ACAD8: variants seen among roughly 807,000 people sequenced by gnomAD.
The protein encoded by ACAD8 is isobutyryl-CoA dehydrogenase, mitochondrial.
Under a neutral mutation model 53.1 loss-of-function variants are expected in ACAD8, and 47 were observed. The ratio of observed to expected loss-of-function variants is 0.89; its 90% CI spans 0.70 to 1.13. ACAD8 has a LOEUF of 1.13. Ranked by LOEUF, ACAD8 falls within the 50% of genes most tolerant of loss-of-function variation. The pLI, the probability that ACAD8 is intolerant of heterozygous loss-of-function variation, is 0.00. For synonymous variants in ACAD8, 198 were observed against 201.3 expected (o/e 0.98, Z 0.14); for missense variants, 494 against 535.0 (o/e 0.92, Z 0.76).
chr11:134,255,205 C>T (rs550517199), intron 1 of ACAD8, among the ~76,000 whole-genome samples: 1 of 152,270 alleles, frequency 6.6e-6, no homozygotes, highest in African/African-American at 2.4e-5. Context: ...GGTGCGATCT[C>T]AACTCACCGC....
intron 1 of ACAD8, among the ~76,000 whole-genome samples, chr11:134,255,120 C>T (rs1404803592): frequency 6.6e-6 from 1 of 152,108 alleles, no homozygotes; most frequent in Non-Finnish European, 1.5e-5. Flanking sequence ...AATAGTCATC[C>T]TTTGTGTGAA....
At chr11:134,263,618 A>C in intron 10 of ACAD8, 1 of 985,484 alleles carries the variant, frequency 1.0e-6, no homozygotes, top group Non-Finnish European at 1.2e-6. Context: ...CTCAGTCGCC[A>C]GTGTTCAAAC....
At chr11:134,260,817 A>C in intron 6 of ACAD8, 1 of 571,370 alleles carries the variant, frequency 1.8e-6, no homozygotes, top group Non-Finnish European at 3.1e-6. Flanking sequence ...GGTAGAGTAG[A>C]CATTAGTAGA....
chr11:134,259,944 CAA>C (rs1191913602), intron 6 of ACAD8, 199 bp downstream of exon 6: 6 of 1,435,810 alleles, frequency 4.2e-6, no homozygotes, highest in Non-Finnish European at 5.5e-6. Flanking sequence ...GGGAAAGTGA[CAA>C]TGTTTGCCAG....
chr11:134,264,793 T>C (rs552328709), intron 10 of ACAD8, 115 bp from the exon 11 acceptor site: 2 of 880,084 alleles, frequency 2.3e-6, no homozygotes, highest in Admixed American at 1.7e-5. Flanking sequence ...AAAGCAATGA[T>C]TGTAGTTTAA....
In ACAD8 at chr11:134,261,455, G is replaced by T; in HGVS notation, c.939+83G>T. 6.5e-7 allele frequency: 1 copy of T among 1,547,124 alleles called. No individual in the cohort carries two copies. Among genetic ancestry groups the T allele is most frequent in the South Asian group, 1.1e-5 (1 of 88,914 alleles). ...TAGGGCCCACATTTCCAGGAGAGAA[G>T]CCAGGAAATTCCTCTGTCAGTCCCA... On this transcript the variant is annotated intron_variant, in intron 8 of 10. Transcript: ENST00000281182. This position sits in a 1 kb window ranked among gnomAD's most constrained non-coding sequence, Gnocchi z 4.2.
At chr11:134,254,132 CTTGGTTGTTGTTGGG>C (rs61350270) in intron 1 of ACAD8, among the ~76,000 whole-genome samples, 55,228 of 151,766 alleles carry the variant, frequency 0.36, 10,165 homozygotes, top group African/African-American at 0.43. Flanking sequence ...AAACTTGGGG[CTTGGTTGTTGTTGGG>C]TTGGTTGGTT....
At chr11:134,259,184 G>A (rs1939730771) in intron 5 of ACAD8, 100 bp downstream of exon 5, 2 of 1,042,522 alleles carry the variant, frequency 1.9e-6, no homozygotes, top group Non-Finnish European at 3.0e-6. Context: ...ACTCCCATAG[G>A]ATTTTTATGT....
At chr11:134,263,891 T>C in intron 10 of ACAD8, 2 of 985,440 alleles carry the variant, frequency 2.0e-6, no homozygotes, top group African/African-American at 3.5e-5. Context: ...TGACTACTGA[T>C]TCCTCGAGGG....
chr11:134,259,174 A>G, intron 5 of ACAD8, 90 bp downstream of exon 5: 1 of 1,146,534 alleles, frequency 8.7e-7, no homozygotes, highest in Non-Finnish European at 1.3e-6. Context: ...GCGGGTTAAT[A>G]CTCCCATAGG....
rs1173188951 is a variant in ACAD8 at position 134,256,529 on chromosome 11, T to C, written c.110-19T>C. On this transcript the variant is annotated intron_variant, in intron 1 of 10. Transcript: ENST00000281182. ...ACACTGACCCTGTCCTAGAACAGTATATGCAATCCTGCCCACAGCTTCCAT... is the reference window on the plus strand; with the variant it reads ...ACACTGACCCTGTCCTAGAACAGTACATGCAATCCTGCCCACAGCTTCCAT... 1 of 1,605,482 alleles carries C rather than the reference T, an allele frequency of 6.2e-7. No individual in the cohort carries two copies.
Position 134,265,656 on chromosome 11 carries a change from A to G in ACAD8, c.*696A>G, listed in dbSNP as rs886048029. On this transcript the variant is annotated 3_prime_UTR_variant, in exon 11 of 11. Transcript: ENST00000281182. ...TTTCTTTTCCTGATAAACACTTTGAATATTTTTTTTGTGTTTTTGTTTCCT... is the reference window on the plus strand; with the variant it reads ...TTTCTTTTCCTGATAAACACTTTGAGTATTTTTTTTGTGTTTTTGTTTCCT... The G allele has an allele frequency of 3.3e-5, 5 of 152,160 alleles. No homozygotes were observed. The highest frequency in any genetic ancestry group is 2.0e-4 in the Admixed American group (3 of 15,278). 9.4% of individuals were successfully genotyped at this position (152,160 alleles called of 1,614,324 possible). A position where few individuals can be genotyped will look rare whatever the true frequency, so the allele number is the denominator to read the frequency against.
At chr11:134,254,080 C>T (rs866771430) in intron 1 of ACAD8, among the ~76,000 whole-genome samples, 12 of 152,282 alleles carry the variant, frequency 7.9e-5, no homozygotes, top group Non-Finnish European at 1.6e-4. Context: ...CGGCCCGGGT[C>T]CTCCTGCGGC....
intron 1 of ACAD8, among the ~76,000 whole-genome samples, chr11:134,255,635 A>G (rs1340215433): frequency 6.6e-6 from 1 of 152,212 alleles, no homozygotes; most frequent in Non-Finnish European, 1.5e-5. Flanking sequence ...TACCCAACAT[A>G]GGTTTCTGCT....
chr11:134,259,171 A>G (rs751911999), intron 5 of ACAD8, 87 bp downstream of exon 5: 3 of 1,184,700 alleles, frequency 2.5e-6, no homozygotes, highest in South Asian at 1.2e-5. Flanking sequence ...TCCGCGGGTT[A>G]ATACTCCCAT....
In ACAD8 at chr11:134,261,419, G is replaced by A. The variant is rs961266766; in HGVS notation, c.939+47G>A. The A allele has an allele frequency of 1.7e-5, 27 of 1,594,542 alleles. No individual in the cohort carries two copies. The highest frequency in any genetic ancestry group is 6.7e-5 in the African/African-American group (5 of 74,592). On this transcript the variant is annotated intron_variant, in intron 8 of 10. Coordinates refer to ENST00000281182, the MANE Select transcript of ACAD8 (RefSeq NM_014384.3). This position sits in a 1 kb window ranked among gnomAD's most constrained non-coding sequence, Gnocchi z 4.2. ...CATGGCTTTGCACTATTTGCAGCCC[G>A]GGACCTGCTCTAGGGCCCACATTTC...
intron 6 of ACAD8, chr11:134,260,574 AAGCCCATGCTAACTCCTGGGC>A: frequency 3.7e-6 from 1 of 270,084 alleles, no homozygotes; most frequent in Admixed American, 5.1e-5. Flanking sequence ...ACTGTGTGTG[AAGCCCATGCTAACTCCTGGGC>A]AGGAAGACCT....
intron 1 of ACAD8, among the ~76,000 whole-genome samples, chr11:134,255,937 GCT>G (rs1159018186): frequency 4.6e-5 from 7 of 152,046 alleles, no homozygotes; most frequent in African/African-American, 1.7e-4. Flanking sequence ...ACAGAGTCTT[GCT>G]CTGTCACCCA....
chr11:134,259,708 G>T lies in ACAD8; in HGVS notation c.668G>T (p.Gly223Val), dbSNP rs779974265. 1 of 1,614,216 alleles carries T rather than the reference G, an allele frequency of 6.2e-7. No individual in the cohort carries two copies. The highest frequency in any genetic ancestry group is 2.2e-5 in the East Asian group (1 of 44,884). The change falls in exon 6 of 11, where the codon GGG becomes GTG. Residue 223 changes from glycine to valine, a missense_variant. Transcript: ENST00000281182. Reference sequence around the variant, plus strand: ...ATCTCATGCATAGTTGTTGAGAAGGGGACCCCTGGCCTCAGCTTTGGCAAG... The same window carrying T: ...ATCTCATGCATAGTTGTTGAGAAGGTGACCCCTGGCCTCAGCTTTGGCAAG... ...KGISCIVVEK[G>V]TPGLSFGKKE...
Sources: allele counts gnomAD v4.1 joint callset (sites outside exome capture counted in the v4.1 genomes callset), GRCh38; gene constraint gnomAD v4.1.1; non-coding constraint Gnocchi (gnomAD v3.1); transcripts MANE v1.5; gene names NCBI Gene and HGNC (gene_info 2026-07-23, HGNC 2026-07-21).